The following ST3GAL3 variants were observed in gnomAD, a reference collection of about 807,000 sequenced individuals.
ST3GAL3 encodes CMP-N-acetylneuraminate-beta-1,4-galactoside alpha-2,3-sialyltransferase.
ST3GAL3 carries 21 observed loss-of-function variants against 50.1 expected under a neutral mutation model. The ratio of observed to expected loss-of-function variants is 0.42; its 90% CI spans 0.30 to 0.60. ST3GAL3 has a LOEUF of 0.60. Ranked by LOEUF, ST3GAL3 falls within the 20% of genes least tolerant of loss-of-function variation. The pLI is 0.19. For missense variants in ST3GAL3, 353 were observed against 489.4 expected, an observed-to-expected ratio of 0.72 and a Z score of 2.63; for synonymous variants, 183 against 190.0, an observed-to-expected ratio of 0.96 and a Z score of 0.30.
chr1:43,746,811 G>C (rs1209325663), intron 2 of ST3GAL3, among the ~76,000 whole-genome samples: 1 of 147,130 alleles, frequency 6.8e-6, no homozygotes, highest in African/African-American at 2.5e-5. Flanking sequence ...CACCCAGGTT[G>C]GAGTGCAGTG....
intron 5 of ST3GAL3, among the ~76,000 whole-genome samples, chr1:43,844,661 A>G (rs1003283400): frequency 1.3e-5 from 2 of 152,068 alleles, no homozygotes; most frequent in African/African-American, 4.8e-5. Flanking sequence ...AATAAAAAAA[A>G]ATTAGCCGGG....
chr1:43,735,755 T>C (rs1678123506), intron 1 of ST3GAL3, among the ~76,000 whole-genome samples: 1 of 152,272 alleles, frequency 6.6e-6, no homozygotes, highest in African/African-American at 2.4e-5. Flanking sequence ...TGTGACACTT[T>C]GCCACAGCAG....
intron 1 of ST3GAL3, among the ~76,000 whole-genome samples, chr1:43,721,295 CTTTTTTTT>C (rs35508020): frequency 6.0e-5 from 6 of 99,844 alleles, no homozygotes; most frequent in African/African-American, 1.6e-4. Context: ...ATAATTAAAC[CTTTTTTTT>C]TTTTTTTTTT....
chr1:43,714,188 C>T (rs542102480), intron 1 of ST3GAL3, among the ~76,000 whole-genome samples: 16 of 148,912 alleles, frequency 1.1e-4, no homozygotes, highest in Middle Eastern at 7.8e-3. Flanking sequence ...CACTTGAACC[C>T]GGGAGGCGGA....
chr1:43,824,786 C>A (rs776982220), intron 4 of ST3GAL3: 6 of 1,556,182 alleles, frequency 3.9e-6, no homozygotes, highest in Non-Finnish European at 5.3e-6. Flanking sequence ...ATTGGAATCA[C>A]CTGGAGAGCC....
At chr1:43,812,665 A>G (rs1280151941) in intron 3 of ST3GAL3, among the ~76,000 whole-genome samples, 2 of 152,160 alleles carry the variant, frequency 1.3e-5, no homozygotes, top group Non-Finnish European at 2.9e-5. Context: ...AGGGCTCATT[A>G]TGCTACCGAG....
At position 43,737,197 on chromosome 1, in the gene ST3GAL3, A is replaced by G. The variant is rs527382201; in HGVS notation, c.118+817A>G. 2 of 152,646 alleles carry G rather than the reference A, an allele frequency of 1.3e-5. No individual in the cohort carries two copies. The highest frequency in any genetic ancestry group is 3.9e-4 in the East Asian group (2 of 5,194). 9.5% of individuals were successfully genotyped at this position (152,646 alleles called of 1,614,324 possible). Reference sequence around the variant, plus strand: ...TTGGTGTGGGAAATAGTATAAAATCAGAACAGAGTGGCCTGTTTTGACCTG... The same window carrying G: ...TTGGTGTGGGAAATAGTATAAAATCGGAACAGAGTGGCCTGTTTTGACCTG... On this transcript the variant is annotated intron_variant, in intron 2 of 11. Transcript: ENST00000347631. This position sits in a 1 kb window ranked among gnomAD's most constrained non-coding sequence, Gnocchi z 4.0.
chr1:43,822,825 C>G (rs2062283107), intron 4 of ST3GAL3, among the ~76,000 whole-genome samples: 1 of 152,156 alleles, frequency 6.6e-6, no homozygotes, highest in Non-Finnish European at 1.5e-5. Context: ...ACTCCAGACT[C>G]ATTTACCCAA....
chr1:43,738,548 G>C (rs1679475378), intron 2 of ST3GAL3: 1 of 150,986 alleles, frequency 6.6e-6, no homozygotes, highest in Non-Finnish European at 1.5e-5. Context: ...CCAGGCCAGA[G>C]TGCAGTGGTG....
intron 5 of ST3GAL3, among the ~76,000 whole-genome samples, chr1:43,888,814 C>T (rs2154262740): frequency 1.3e-5 from 2 of 152,268 alleles, no homozygotes; most frequent in African/African-American, 4.8e-5. Flanking sequence ...CACTTTCATA[C>T]ATCACTGGTG....
At chr1:43,879,195 C>G (rs1436706592) in intron 5 of ST3GAL3, 2 of 445,784 alleles carry the variant, frequency 4.5e-6, no homozygotes, top group Non-Finnish European at 9.0e-6. Context: ...AAGGTCCAGA[C>G]TCAGAAAAAG....
intron 2 of ST3GAL3, among the ~76,000 whole-genome samples, chr1:43,758,901 C>T (rs934119864): frequency 4.6e-5 from 7 of 151,770 alleles, no homozygotes; most frequent in South Asian, 2.1e-4. Context: ...ATCAGGCAGG[C>T]GTGGTGGCGT....
rs112369312 is a variant in ST3GAL3, at chr1:43,847,161, G to A, written c.302+8850G>A. 4.3e-3 allele frequency among the ~76,000 whole-genome samples: 658 copies of A among 152,308 alleles called. 10 individuals are homozygous for A. Among genetic ancestry groups the A allele is most frequent in the African/African-American group, 0.015 (611 of 41,558 alleles). On this transcript the variant is annotated intron_variant, in intron 5 of 11. Coordinates refer to ENST00000347631, the MANE Select transcript of ST3GAL3 (RefSeq NM_006279.5). The stretch of plus-strand genomic sequence containing the variant: ...CAAAACCAGAAAATAACAAGTGCTG[G>A]CAAGCATGTAGAGAAATTAGAATCC...
At chr1:43,718,232 C>T (rs1051387833) in intron 1 of ST3GAL3, among the ~76,000 whole-genome samples, 2 of 142,644 alleles carry the variant, frequency 1.4e-5, no homozygotes, top group Non-Finnish European at 3.0e-5. Flanking sequence ...CTCTGTCGCC[C>T]AGGCTGGAGT....
intron 3 of ST3GAL3, among the ~76,000 whole-genome samples, chr1:43,797,620 C>T (rs2058828528): frequency 6.6e-6 from 1 of 152,154 alleles, no homozygotes; most frequent in Non-Finnish European, 1.5e-5. Flanking sequence ...GCTCAGCAAA[C>T]ATAGAAAGGA....
Position 43,920,392 on chromosome 1 carries a change from C to G in ST3GAL3, c.745-12C>G. 1 of 1,614,118 alleles carries G rather than the reference C, an allele frequency of 6.2e-7. No homozygotes were observed. The highest frequency in any genetic ancestry group is 8.5e-7 in the Non-Finnish European group (1 of 1,180,018). ...TGTGCCTCGTTGAGGCCCGCTTTTG[C>G]TGTGTCCACAGAGTGCATCGGATGG... On this transcript the variant is annotated splice_polypyrimidine_tract_variant and intron_variant, in intron 9 of 11. Coordinates refer to ENST00000347631, the MANE Select transcript of ST3GAL3 (RefSeq NM_006279.5).
intron 2 of ST3GAL3, among the ~76,000 whole-genome samples, chr1:43,764,426 A>T (rs1051526440): frequency 6.6e-6 from 1 of 152,166 alleles, no homozygotes; most frequent in Admixed American, 6.5e-5. Flanking sequence ...ACAATATTGC[A>T]TCGGGATATA....
At chr1:43,834,723 G>A (rs1475769606) in intron 4 of ST3GAL3, among the ~76,000 whole-genome samples, 1 of 152,168 alleles carries the variant, frequency 6.6e-6, no homozygotes, top group Admixed American at 6.5e-5. Flanking sequence ...CTGAACCCGA[G>A]CCAGGCGCTT....
At chr1:43,778,914 T>A (rs1698376259) in intron 2 of ST3GAL3, among the ~76,000 whole-genome samples, 1 of 151,860 alleles carries the variant, frequency 6.6e-6, no homozygotes, top group Admixed American at 6.6e-5. Flanking sequence ...CCCAAAGCGC[T>A]GGGATTACAG....
Sources: gnomAD v4.1 joint callset for allele counts (sites outside exome capture counted in the v4.1 genomes callset) on GRCh38, gnomAD v4.1.1 for gene constraint, Gnocchi (gnomAD v3.1) non-coding constraint, MANE v1.5 for transcripts, NCBI Gene and HGNC (gene_info 2026-07-23, HGNC 2026-07-21) for gene names.